The following NSRP1 variants were observed in gnomAD, a reference collection of about 807,000 sequenced individuals.
NSRP1 encodes the protein coiled-coil domain containing 55.
NSRP1 carries 24 observed loss-of-function variants against 54.7 expected under a neutral mutation model. The observed-to-expected ratio is 0.44, with a 90% confidence interval of 0.32 to 0.62. The LOEUF is 0.62. Ranked by LOEUF, NSRP1 falls within the 20% of genes least tolerant of loss-of-function variation. The pLI is 0.06. For missense variants in NSRP1, 596 were observed against 651.2 expected, an observed-to-expected ratio of 0.92 and a Z score of 0.92; for synonymous variants, 210 against 213.8, an observed-to-expected ratio of 0.98 and a Z score of 0.15.
intron 2 of NSRP1, among the ~76,000 whole-genome samples, chr17:30,126,923 A>T (rs561675826): frequency 6.6e-6 from 1 of 152,316 alleles, no homozygotes; most frequent in South Asian, 2.1e-4. Context: ...AAGATTATTT[A>T]TTCAGGTGTT....
At chr17:30,172,874 T>C (rs1175602975) in intron 3 of NSRP1, among the ~76,000 whole-genome samples, 1 of 151,898 alleles carries the variant, frequency 6.6e-6, no homozygotes, top group East Asian at 1.9e-4. Flanking sequence ...ACAACCAAAA[T>C]GGTTTCACAA....
intron 2 of NSRP1, among the ~76,000 whole-genome samples, chr17:30,123,315 A>G (rs1347838004): frequency 6.6e-6 from 1 of 151,796 alleles, no homozygotes; most frequent in Non-Finnish European, 1.5e-5. Context: ...ACGGGGTTTC[A>G]CTATGTTGGC....
At chr17:30,157,408 T>C (rs1209605867) in intron 2 of NSRP1, among the ~76,000 whole-genome samples, 1 of 152,172 alleles carries the variant, frequency 6.6e-6, no homozygotes, top group Non-Finnish European at 1.5e-5. Flanking sequence ...TCAGGGTGAT[T>C]GGGGTATCCA....
chr17:30,152,555 G>A (rs563146606), intron 2 of NSRP1, among the ~76,000 whole-genome samples: 26 of 151,044 alleles, frequency 1.7e-4, no homozygotes, highest in African/African-American at 6.3e-4. Flanking sequence ...AAATGTAAAC[G>A]TTTAGATTAA....
At chr17:30,123,743 AAG>A (rs956414283) in intron 2 of NSRP1, among the ~76,000 whole-genome samples, 161 of 152,030 alleles carry the variant, frequency 1.1e-3, no homozygotes, top group African/African-American at 3.6e-3. Context: ...TTTTAATAAT[AAG>A]AGAGAGGGGG....
intron 2 of NSRP1, chr17:30,163,211 G>GTC (rs2052521637): frequency 7.0e-6 from 1 of 142,360 alleles, no homozygotes; most frequent in South Asian, 2.2e-4. Context: ...GTGTGTGTGT[G>GTC]TGTGTGTGTG....
At chr17:30,154,965 C>T (rs1486633586) in intron 2 of NSRP1, among the ~76,000 whole-genome samples, 1 of 152,136 alleles carries the variant, frequency 6.6e-6, no homozygotes, top group East Asian at 1.9e-4. Flanking sequence ...TGAGGCAGAC[C>T]TGAGATTTTA....
At chr17:30,124,274 G>T (rs1009988406) in intron 2 of NSRP1, among the ~76,000 whole-genome samples, 15 of 152,072 alleles carry the variant, frequency 9.9e-5, no homozygotes, top group African/African-American at 3.4e-4. Context: ...AAAATAAAAA[G>T]AAAAAGCGAT....
At chr17:30,122,474 G>A (rs1222653716) in intron 2 of NSRP1, 2 of 128,078 alleles carry the variant, frequency 1.6e-5, no homozygotes, top group East Asian at 2.5e-4. Flanking sequence ...GCGTGATCTC[G>A]GCTTATTGCA....
chr17:30,181,080 C>A, intron 6 of NSRP1, 64 bp downstream of exon 6: 1 of 990,292 alleles, frequency 1.0e-6, no homozygotes, highest in African/African-American at 1.6e-5. Flanking sequence ...GTTGTGGGGT[C>A]ATTTTAACCC....
In NSRP1 at chr17:30,184,920, G is replaced by A. The variant is rs372875096; in HGVS notation, c.923G>A (p.Arg308Gln). Residue 308 changes from arginine (R) to glutamine (Q), a missense_variant, in exon 7 of 7, where the codon CGA becomes CAA. Coordinates refer to ENST00000247026, the MANE Select transcript of NSRP1 (RefSeq NM_032141.4). ...HSTRHHTKGS[R>Q]TSRGHEKRED... ...ACCAGGCACCACACGAAAGGATCAC[G>A]AACGTCGAGAGGACATGAGAAAAGG... is the stretch of plus-strand genomic sequence containing the variant. The A allele has an allele frequency of 4.3e-6, 7 of 1,614,006 alleles. No homozygotes were observed. The highest frequency in any genetic ancestry group is 2.7e-5 in the African/African-American group (2 of 74,912).
intron 2 of NSRP1, among the ~76,000 whole-genome samples, chr17:30,171,226 C>T (rs532930110): frequency 7.9e-5 from 12 of 151,758 alleles, no homozygotes; most frequent in Middle Eastern, 3.4e-3. Flanking sequence ...CATTTAGTTG[C>T]CTTCTCTGCC....
intron 3 of NSRP1, among the ~76,000 whole-genome samples, chr17:30,174,464 GAAAATGCTTTTT>G: frequency 6.6e-6 from 1 of 152,248 alleles, no homozygotes; most frequent in African/African-American, 2.4e-5. Context: ...AAATCTTAGA[GAAAATGCTTTTT>G]AAAATGGGGT....
intron 6 of NSRP1, 58 bp from the exon 7 acceptor site, chr17:30,184,557 T>G: frequency 6.6e-7 from 1 of 1,505,792 alleles, no homozygotes; most frequent in Non-Finnish European, 8.8e-7. Context: ...CTTCATTTGC[T>G]TATTACAACT....
chr17:30,138,926 T>G (rs1597600848), intron 2 of NSRP1, among the ~76,000 whole-genome samples: 3 of 139,802 alleles, frequency 2.1e-5, no homozygotes, highest in Admixed American at 1.4e-4. Context: ...TTTTTTTTTT[T>G]TTTTTTTTTG....
At chr17:30,160,014 T>A (rs1161026731) in intron 2 of NSRP1, among the ~76,000 whole-genome samples, 1 of 152,200 alleles carries the variant, frequency 6.6e-6, no homozygotes, top group Admixed American at 6.5e-5. Flanking sequence ...CATGAAGGGA[T>A]GTTGAGTTTT....
intron 2 of NSRP1, among the ~76,000 whole-genome samples, chr17:30,122,184 T>G (rs1045512659): frequency 1.7e-4 from 25 of 151,272 alleles, no homozygotes; most frequent in Non-Finnish European, 2.9e-4. Flanking sequence ...GTACCATATT[T>G]TATCTATCAG....
At chr17:30,146,678 C>G (rs1232038513) in intron 2 of NSRP1, among the ~76,000 whole-genome samples, 1 of 152,234 alleles carries the variant, frequency 6.6e-6, no homozygotes, top group Non-Finnish European at 1.5e-5. Context: ...CTCTGTCCCC[C>G]AGGCTGGAGT....
chr17:30,163,314 C>G (rs533373913), intron 2 of NSRP1, among the ~76,000 whole-genome samples: 2 of 151,048 alleles, frequency 1.3e-5, no homozygotes, highest in South Asian at 4.2e-4. Context: ...CTCAAGCGAT[C>G]CACCCTCCTC....
Sources: gnomAD v4.1 joint callset for allele counts (sites outside exome capture counted in the v4.1 genomes callset) on GRCh38, gnomAD v4.1.1 for gene constraint, MANE v1.5 for transcripts, NCBI Gene and HGNC (gene_info 2026-07-23, HGNC 2026-07-21) for gene names.